NPFFR2: variants seen among roughly 807,000 people sequenced by gnomAD.
NPFFR2 encodes the protein G-protein coupled receptor 74.
A neutral mutation model predicts 13.1 loss-of-function variants in NPFFR2; 15 were observed. That is an observed-to-expected ratio of 1.15 (90% CI 0.77 to 1.76). NPFFR2 has a LOEUF of 1.76. Among genes scored for constraint, NPFFR2 ranks in the 40% most tolerant of loss-of-function variants. NPFFR2 has a pLI of 0.00. For missense variants in NPFFR2, 572 were observed against 503.5 expected, an observed-to-expected ratio of 1.14 and a Z score of -1.30; for synonymous variants, 190 against 175.7, an observed-to-expected ratio of 1.08 and a Z score of -0.65.
At chr4:72,134,921 C>CT (rs113532483) in intron 2 of NPFFR2, among the ~76,000 whole-genome samples, 1 of 151,914 alleles carries the variant, frequency 6.6e-6, no homozygotes, top group Non-Finnish European at 1.5e-5. Flanking sequence ...ATGTCCCCTT[C>CT]TTTTTTTGGT....
At chr4:72,045,394 T>A (rs551500424) in intron 1 of NPFFR2, among the ~76,000 whole-genome samples, 1 of 152,346 alleles carries the variant, frequency 6.6e-6, no homozygotes, top group South Asian at 2.1e-4. Context: ...TGTGTCTATT[T>A]TTATACCAAT....
At position 72,035,399 on chromosome 4, in the gene NPFFR2, CAGTAT is replaced by C. The variant is rs546562078; in HGVS notation, c.-8+3203_-8+3207del. On this transcript the variant is annotated intron_variant, in intron 1 of 3. Coordinates refer to ENST00000308744, the MANE Select transcript of NPFFR2 (RefSeq NM_004885.3). ...CCTGCATCTGCAGGTAGGCATTTCG[CAGTAT>C]AGTTTCTATAGTATTCACCAGAGAC... is the stretch of plus-strand genomic sequence containing the variant. Among the ~76,000 whole-genome samples, 726 of 152,290 alleles carry C rather than the reference CAGTAT, an allele frequency of 4.8e-3. 2 individuals are homozygous for C. The highest frequency in any genetic ancestry group is 7.9e-3 in the Non-Finnish European group (537 of 68,026).
At chr4:72,061,296 C>G (rs1347528155) in intron 1 of NPFFR2, among the ~76,000 whole-genome samples, 1 of 152,194 alleles carries the variant, frequency 6.6e-6, no homozygotes, top group African/African-American at 2.4e-5. Flanking sequence ...CTCATAACTG[C>G]TTTTTGCTGT....
intron 1 of NPFFR2, among the ~76,000 whole-genome samples, chr4:72,086,746 A>T (rs2092175584): frequency 6.6e-6 from 1 of 152,092 alleles, no homozygotes; most frequent in South Asian, 2.1e-4. Context: ...GATCCCCTTA[A>T]ATAAAAAATA....
Position 72,081,496 on chromosome 4 carries a change from T to C in NPFFR2, c.-7-47089T>C, listed in dbSNP as rs558295069. Among the ~76,000 whole-genome samples the C allele has an allele frequency of 1.3e-3, 194 of 151,454 alleles. 1 individual carries two copies. Among genetic ancestry groups the C allele is most frequent in the African/African-American group, 4.2e-3 (173 of 41,338 alleles). On this transcript the variant is annotated intron_variant, in intron 1 of 3. Coordinates refer to ENST00000308744, the MANE Select transcript of NPFFR2 (RefSeq NM_004885.3). ...TAATAATTGATTTAAGAATTGTTTT[T>C]TTTTTTTTTGAGACTGAGGTCTTGC...
intron 3 of NPFFR2, among the ~76,000 whole-genome samples, chr4:72,144,841 T>C (rs949577696): frequency 6.6e-6 from 1 of 152,234 alleles, no homozygotes; most frequent in African/African-American, 2.4e-5. Flanking sequence ...AATTCTATTA[T>C]TTCTGAGTGC....
intron 1 of NPFFR2, among the ~76,000 whole-genome samples, chr4:72,044,248 T>C (rs1235533869): frequency 1.3e-5 from 2 of 152,220 alleles, no homozygotes; most frequent in Admixed American, 6.5e-5. Context: ...GAGTATGTCC[T>C]TATAGCAGCA....
chr4:72,142,742 A>AAAAT (rs545976946), intron 3 of NPFFR2, among the ~76,000 whole-genome samples: 98 of 152,358 alleles, frequency 6.4e-4, no homozygotes, highest in African/African-American at 2.3e-3. Context: ...CAAATGAGCT[A>AAAAT]AAATCTGAAA....
intron 2 of NPFFR2, among the ~76,000 whole-genome samples, chr4:72,132,115 G>A (rs372338695): frequency 3.3e-5 from 5 of 150,222 alleles, no homozygotes; most frequent in African/African-American, 1.0e-4. Flanking sequence ...CAGGTATTAA[G>A]CCTAGTACCC....
At chr4:72,136,790 C>T (rs554412895) in intron 2 of NPFFR2, among the ~76,000 whole-genome samples, 1 of 152,266 alleles carries the variant, frequency 6.6e-6, no homozygotes, top group African/African-American at 2.4e-5. Context: ...GAGAGTAAAC[C>T]TCCATTCTTC....
chr4:72,116,031 C>T (rs774936123), intron 1 of NPFFR2, among the ~76,000 whole-genome samples: 23 of 152,104 alleles, frequency 1.5e-4, no homozygotes, highest in Non-Finnish European at 7.4e-5. Flanking sequence ...TTGATTTATA[C>T]ATTTATTAAA....
At chr4:72,141,459 G>A (rs1240007247) in intron 3 of NPFFR2, among the ~76,000 whole-genome samples, 1 of 152,126 alleles carries the variant, frequency 6.6e-6, no homozygotes, top group Non-Finnish European at 1.5e-5. Flanking sequence ...GGTATGTTGT[G>A]TCTTTGTCCT....
chr4:72,067,085 G>A (rs374374045), intron 1 of NPFFR2, among the ~76,000 whole-genome samples: 31 of 152,270 alleles, frequency 2.0e-4, no homozygotes, highest in African/African-American at 7.0e-4. Flanking sequence ...TCTGAGGGGC[G>A]TCCTTTGAAA....
At chr4:72,116,322 T>C (rs1019443299) in intron 1 of NPFFR2, among the ~76,000 whole-genome samples, 1 of 152,118 alleles carries the variant, frequency 6.6e-6, no homozygotes, top group African/African-American at 2.4e-5. Context: ...ATCTGCTTTC[T>C]TTCATAATTT....
intron 1 of NPFFR2, among the ~76,000 whole-genome samples, chr4:72,091,030 A>C (rs1720905166): frequency 6.6e-6 from 1 of 151,626 alleles, no homozygotes. Context: ...ACGTTAATCT[A>C]TTTTAATCAT....
intron 1 of NPFFR2, among the ~76,000 whole-genome samples, chr4:72,033,392 T>C (rs563546070): frequency 8.5e-5 from 13 of 152,294 alleles, no homozygotes; most frequent in African/African-American, 2.9e-4. Context: ...TAACAGTACC[T>C]ACTGCACTAT....
intron 1 of NPFFR2, among the ~76,000 whole-genome samples, chr4:72,042,531 G>A (rs1719250983): frequency 6.6e-6 from 1 of 152,200 alleles, no homozygotes. Flanking sequence ...ACTTCCTAGA[G>A]ACTTGTTGAA....
intron 1 of NPFFR2, among the ~76,000 whole-genome samples, chr4:72,121,127 G>A (rs1018681124): frequency 6.6e-6 from 1 of 151,770 alleles, no homozygotes; most frequent in African/African-American, 2.4e-5. Flanking sequence ...TAGCCAAATC[G>A]ATCAAGCGGA....
chr4:72,073,634 A>AT (rs1294490925), intron 1 of NPFFR2, among the ~76,000 whole-genome samples: 3 of 151,988 alleles, frequency 2.0e-5, no homozygotes, highest in Non-Finnish European at 2.9e-5. Flanking sequence ...GTAAATTAAC[A>AT]TTTTTTTCTA....
Sources: gnomAD v4.1 joint callset for allele counts (sites outside exome capture counted in the v4.1 genomes callset) on GRCh38, gnomAD v4.1.1 for gene constraint, MANE v1.5 for transcripts, NCBI Gene and HGNC (gene_info 2026-07-23, HGNC 2026-07-21) for gene names.